The following ALDH7A1 variants were observed in gnomAD, a reference collection of about 807,000 sequenced individuals.
ALDH7A1 encodes aldehyde dehydrogenase 7 family member A1, also known as alpha-aminoadipic semialdehyde dehydrogenase.
Under a neutral mutation model 79.9 loss-of-function variants are expected in ALDH7A1, and 63 were observed. That is an observed-to-expected ratio of 0.79 (90% CI 0.64 to 0.97). The LOEUF (loss-of-function observed/expected upper bound fraction) is 0.97, where lower values mean the gene tolerates loss of function less well. Ranked by LOEUF, ALDH7A1 falls within the 50% of genes least tolerant of loss-of-function variation. The pLI, the probability that ALDH7A1 is intolerant of heterozygous loss-of-function variation, is 0.00. For missense variants in ALDH7A1, 627 were observed against 665.2 expected (o/e 0.94, Z 0.63); for synonymous variants, 240 against 231.2 (o/e 1.04, Z -0.34).
At chr5:126,593,983 T>C (rs1038316767) in intron 1 of ALDH7A1, 1 of 284,628 alleles carries the variant, frequency 3.5e-6, no homozygotes, top group Non-Finnish European at 7.1e-6. Flanking sequence ...AAAAGACGTG[T>C]TCCCTCTACC....
At chr5:126,549,028 C>T (rs1190366872) in intron 16 of ALDH7A1, among the ~76,000 whole-genome samples, 3 of 132,164 alleles carry the variant, frequency 2.3e-5, no homozygotes, top group Non-Finnish European at 3.1e-5. Context: ...GAGCTGTGAT[C>T]GCGCCACTGC....
rs745385277 is a variant in ALDH7A1, at chr5:126,595,080, G to A, written c.119C>T (p.Ala40Val). ...GCGGAGCCCCAGCTCTTTCAGCCAC[G>A]CATACTGGGGCTGATTGATGAGGAG... ...STLLINQPQY[A>V]WLKELGLREE... Residue 40 changes from alanine (A) to valine (V), a missense_variant, in exon 1 of 18, where the codon GCG becomes GTG. By Grantham distance (64) the Ala-to-Val change is moderately conservative (BLOSUM62 0). Coordinates refer to ENST00000409134, the MANE Select transcript of ALDH7A1 (RefSeq NM_001182.5). 5.0e-6 allele frequency: 8 copies of A among 1,605,628 alleles called. No individual in the cohort carries two copies. In the East Asian group the frequency reaches 1.3e-4, roughly 27 times the overall value.
intron 12 of ALDH7A1, chr5:126,554,922 T>C (rs1404507246): frequency 4.8e-6 from 1 of 206,186 alleles, no homozygotes; most frequent in African/African-American, 2.3e-5. Flanking sequence ...AGAAGGAAGA[T>C]GTAGGTAGGC....
Position 126,568,266 on chromosome 5 carries a change from C to T in ALDH7A1, c.864G>A (p.Glu288=). Residue 288 remains glutamate (E), a synonymous_variant, in exon 9 of 18, where the codon GAG becomes GAA. Transcript: ENST00000409134. ...TAGAAAGCCAACACTTACCAAACCT[C>T]TCCTGCACCATCAGGCCCACCTGTT... ...VGKQVGLMVQ[E]RFGRSLLELG... 6.2e-7 allele frequency: 1 copy of T among 1,614,138 alleles called. No homozygotes were observed. The highest frequency in any genetic ancestry group is 2.2e-5 in the East Asian group (1 of 44,884).
intron 7 of ALDH7A1, among the ~76,000 whole-genome samples, chr5:126,572,139 C>T (rs1750799497): frequency 6.6e-6 from 1 of 152,204 alleles, no homozygotes; most frequent in South Asian, 2.1e-4. Flanking sequence ...CATCAATCAT[C>T]TCAACTTACT....
At chr5:126,546,267 A>C (rs1454198060) in intron 17 of ALDH7A1, 57 bp downstream of exon 17, 3 of 1,491,998 alleles carry the variant, frequency 2.0e-6, no homozygotes, top group African/African-American at 2.8e-5. Flanking sequence ...GGAAAGTGTA[A>C]AAGCCCATTC....
chr5:126,587,943 G>A (rs1751410389), intron 3 of ALDH7A1: 3 of 152,212 alleles, frequency 2.0e-5, no homozygotes, highest in Admixed American at 6.6e-5. Context: ...ATCCCCAGCT[G>A]ACTCTACTAT....
intron 3 of ALDH7A1, chr5:126,588,677 T>TA (rs1751437521): frequency 6.6e-6 from 1 of 152,172 alleles, no homozygotes; most frequent in African/African-American, 2.4e-5. Context: ...CTTTAGTTTA[T>TA]AATAACACAT....
At chr5:126,546,249 A>C (rs1749781615) in intron 17 of ALDH7A1, 75 bp downstream of exon 17, 1 of 1,311,730 alleles carries the variant, frequency 7.6e-7, no homozygotes, top group Admixed American at 1.7e-5. Flanking sequence ...AAGACAGCAC[A>C]GACAGTAGGA....
At chr5:126,589,647 T>C (rs563414806) in intron 3 of ALDH7A1, among the ~76,000 whole-genome samples, 187 of 151,874 alleles carry the variant, frequency 1.2e-3, no homozygotes, top group African/African-American at 4.4e-3. Flanking sequence ...GGCCTGCCAC[T>C]CCGTCTGGGA....
At chr5:126,575,383 T>C (rs769500994) in intron 7 of ALDH7A1, 37 bp downstream of exon 7, 1 of 1,602,592 alleles carries the variant, frequency 6.2e-7, no homozygotes, top group Non-Finnish European at 8.5e-7. Context: ...TTCAATATTA[T>C]TCCATACCCA....
At position 126,594,990 on chromosome 5, in the gene ALDH7A1, C is replaced by T. The variant is rs370227453; in HGVS notation, c.192+17G>A. ...CGAGCCCCGGCGGCTGCAGAGATTT[C>T]TTGAGCGCCCGCGTACCTCTCCCCG... On this transcript the variant is annotated intron_variant, in intron 1 of 17. Transcript: ENST00000409134. The T allele has an allele frequency of 3.2e-6, 5 of 1,579,528 alleles. No individual in the cohort carries two copies. The highest frequency in any genetic ancestry group is 4.3e-6 in the Non-Finnish European group (5 of 1,163,416).
chr5:126,545,018 T>A lies in ALDH7A1; in HGVS notation c.1567A>T (p.Thr523Ser), dbSNP rs61757684. The A allele has an allele frequency of 6.2e-7, 1 of 1,604,776 alleles. No individual in the cohort carries two copies. The highest frequency in any genetic ancestry group is 1.3e-5 in the African/African-American group (1 of 74,738). The stretch of plus-strand genomic sequence containing the variant: ...GGAAGGTCTTTACTGTAGTTGATAG[T>A]ACTAGTGGGAAAAAATAACAGAATT... ...WKQYMRRSTC[T>S]INYSKDLPLA... is the part of the protein sequence containing the mutation. Residue 523 changes from threonine (T) to serine (S), a missense_variant and splice_region_variant, in exon 18 of 18, where the codon ACT (threonine) becomes TCT (serine). Thr to Ser is a moderately conservative substitution (Grantham distance 58). Coordinates refer to ENST00000409134, the MANE Select transcript of ALDH7A1 (RefSeq NM_001182.5).
Position 126,561,132 on chromosome 5 carries a change from G to A in ALDH7A1, c.872-8C>T, listed in dbSNP as rs754252947. 1.2e-6 allele frequency: 2 copies of A among 1,605,754 alleles called. No individual in the cohort carries two copies. Among genetic ancestry groups the A allele is most frequent in the South Asian group, 2.2e-5 (2 of 89,204 alleles). Reference sequence around the variant, plus strand: ...GTTCCAACAGACTTCTCCCTTAAAAGAAAAAAATTATATATAAAAATTAAT... The same window carrying A: ...GTTCCAACAGACTTCTCCCTTAAAAAAAAAAAATTATATATAAAAATTAAT... On this transcript the variant is annotated splice_region_variant and splice_polypyrimidine_tract_variant and intron_variant, in intron 9 of 17. Transcript: ENST00000409134.
intron 3 of ALDH7A1, 111 bp from the exon 4 acceptor site, chr5:126,584,123 CT>C: frequency 3.2e-6 from 3 of 945,548 alleles, no homozygotes; most frequent in Non-Finnish European, 5.1e-6. Flanking sequence ...TCAAAGAAGA[CT>C]TTTGATCACA....
chr5:126,584,798 G>A (rs1387607435), intron 3 of ALDH7A1, among the ~76,000 whole-genome samples: 3 of 150,900 alleles, frequency 2.0e-5, no homozygotes, highest in East Asian at 1.9e-4. Context: ...ATAACTTCCC[G>A]CTCTCTGGCT....
intron 10 of ALDH7A1, among the ~76,000 whole-genome samples, chr5:126,559,579 T>C (rs562787063): frequency 1.3e-5 from 2 of 152,100 alleles, no homozygotes; most frequent in East Asian, 3.9e-4. Flanking sequence ...ATTACAAGCA[T>C]GTGCCACCAC....
chr5:126,578,638 CAAAAA>C (rs70994880), intron 5 of ALDH7A1, among the ~76,000 whole-genome samples: 3 of 90,384 alleles, frequency 3.3e-5, no homozygotes, highest in Admixed American at 2.5e-4. Context: ...GACCCTGTAT[CAAAAA>C]AAAAAAAAAA....
rs560352647 is a variant in ALDH7A1 at position 126,592,079 on chromosome 5, G to A, written c.312+585C>T. On this transcript the variant is annotated intron_variant, in intron 3 of 17. Coordinates refer to ENST00000409134, the MANE Select transcript of ALDH7A1 (RefSeq NM_001182.5). ...CTCCTGAGTAGGCTGGATTACACGC[G>A]CCACCACATTCGGCTAATTTTTGTA... 28 of 155,054 alleles carry A rather than the reference G, an allele frequency of 1.8e-4. No homozygotes were observed. The East Asian group carries it at 3.8e-3, about 21-fold the overall frequency. The allele number at this position is 155,054 out of a possible 1,614,324, so 9.6% of individuals were successfully genotyped here.
Sources: allele counts gnomAD v4.1 joint callset (sites outside exome capture counted in the v4.1 genomes callset), GRCh38; gene constraint gnomAD v4.1.1; transcripts MANE v1.5; gene names NCBI Gene and HGNC (gene_info 2026-07-23, HGNC 2026-07-21).